KCTD15: variants seen among roughly 807,000 people sequenced by gnomAD.
KCTD15 encodes BTB/POZ domain-containing protein KCTD15.
In KCTD15, 11 loss-of-function variants were observed where a neutral mutation model predicts 27.2. That is an observed-to-expected ratio of 0.41 (90% confidence interval 0.25 to 0.67). The LOEUF is 0.67. KCTD15 is among the 30% of genes least tolerant of loss of function. The pLI, the probability that KCTD15 is intolerant of heterozygous loss-of-function variation, is 0.35. For missense variants in KCTD15, 350 were observed against 409.3 expected (o/e 0.86, Z 1.25); for synonymous variants, 163 against 176.0 (o/e 0.93, Z 0.58).
At position 33,811,384 on chromosome 19, in the gene KCTD15, C is replaced by G; in HGVS notation, c.525C>G (p.Pro175=). 1.3e-6 allele frequency: 2 copies of G among 1,599,216 alleles called. No homozygotes were observed. The highest frequency in any genetic ancestry group is 1.7e-6 in the Non-Finnish European group (2 of 1,173,584). ...ACTGCCTGGTGGTGCGCGTCACGCC[C>G]GACTTGGGCGAGCGGATCGCACTCA... ...ACDCLVVRVT[P]DLGERIALSG... is the part of the protein sequence containing the mutation. The change falls in exon 6 of 7, where the codon CCC becomes CCG. Residue 175 remains proline (P), a synonymous_variant. Transcript: ENST00000683859.
At chr19:33,812,600 A>C (rs1975960815) in intron 6 of KCTD15, 190 bp from the exon 7 acceptor site, 1 of 1,289,702 alleles carries the variant, frequency 7.8e-7, no homozygotes, top group African/African-American at 1.5e-5. Flanking sequence ...GGGCCTGGCC[A>C]CTTCTGTCCC....
intron 5 of KCTD15, among the ~76,000 whole-genome samples, chr19:33,809,377 T>C (rs1975815529): frequency 6.6e-6 from 1 of 152,178 alleles, no homozygotes; most frequent in East Asian, 1.9e-4. Context: ...AGCACGTGGC[T>C]GTGGTAGTGT....
chr19:33,806,507 A>G (rs1218155230), intron 4 of KCTD15, among the ~76,000 whole-genome samples: 2 of 152,066 alleles, frequency 1.3e-5, no homozygotes, highest in African/African-American at 4.8e-5. Flanking sequence ...GGGTGTGTGC[A>G]CCAGGCCTGT....
chr19:33,807,393 A>G (rs1278897376), intron 5 of KCTD15, among the ~76,000 whole-genome samples: 1 of 151,498 alleles, frequency 6.6e-6, no homozygotes, highest in South Asian at 2.1e-4. Flanking sequence ...TTCAAGACCA[A>G]CTTGGCCAAC....
At chr19:33,799,523 C>G (rs781669273) in intron 2 of KCTD15, 2 of 152,242 alleles carry the variant, frequency 1.3e-5, no homozygotes, top group Non-Finnish European at 2.9e-5. Flanking sequence ...AGAATTCTGC[C>G]CCTCCTGCAT....
chr19:33,795,265 T>A (rs577990645), upstream of KCTD15, among the ~76,000 whole-genome samples: 1 of 152,302 alleles, frequency 6.6e-6, no homozygotes, highest in Non-Finnish European at 1.5e-5. Context: ...AAACCTTCCC[T>A]TAGGAGGAAA....
At chr19:33,809,711 T>C (rs1975828895) in intron 5 of KCTD15, among the ~76,000 whole-genome samples, 1 of 151,980 alleles carries the variant, frequency 6.6e-6, no homozygotes, top group African/African-American at 2.4e-5. Flanking sequence ...TTATTATTGT[T>C]ATTATTATTA....
At chr19:33,809,610 A>T (rs1019888202) in intron 5 of KCTD15, among the ~76,000 whole-genome samples, 7 of 152,176 alleles carry the variant, frequency 4.6e-5, no homozygotes, top group Non-Finnish European at 1.5e-5. Flanking sequence ...GGTGGCTCAC[A>T]CCTGTAATCC....
intron 4 of KCTD15, among the ~76,000 whole-genome samples, chr19:33,804,027 C>T (rs1355752481): frequency 6.6e-6 from 1 of 150,708 alleles, no homozygotes; most frequent in Non-Finnish European, 1.5e-5. Context: ...TGCATCCTCT[C>T]TCAGAGGGTG....
Position 33,797,281 on chromosome 19 carries a change from TGTGC to T in KCTD15, c.-127+296_-127+299del, listed in dbSNP as rs1372959562. On this transcript the variant is annotated intron_variant, in intron 1 of 6. Coordinates refer to ENST00000683859, the MANE Select transcript of KCTD15 (RefSeq NM_001129994.2). ...GTGTGTGTGTGTGTGTGTGTGTGTGTGTGCGCGCGCGCGCGCGCGCGCTTGTGGA... is the reference window on the plus strand; with the variant it reads ...GTGTGTGTGTGTGTGTGTGTGTGTGTGCGCGCGCGCGCGCGCGCTTGTGGA... 4.2e-3 allele frequency: 719 copies of T among 170,604 alleles called. 4 individuals are homozygous for T. Among genetic ancestry groups the T allele is most frequent in the African/African-American group, 0.023 (431 of 18,388 alleles). The allele number at this position is 170,604 out of a possible 1,614,324, so 10.6% of individuals were successfully genotyped here.
chr19:33,812,405 T>C (rs1307819389), intron 6 of KCTD15: 20 of 1,043,174 alleles, frequency 1.9e-5, no homozygotes, highest in East Asian at 1.6e-4. Context: ...CTCTCCATTA[T>C]TGGGGCAGGA....
At chr19:33,800,755 G>T (rs950081747) in intron 3 of KCTD15, among the ~76,000 whole-genome samples, 1 of 152,136 alleles carries the variant, frequency 6.6e-6, no homozygotes. Flanking sequence ...GAGGTGTCTC[G>T]TTACTGAGAC....
At chr19:33,810,368 C>T (rs1975855768) in intron 5 of KCTD15, among the ~76,000 whole-genome samples, 3 of 152,196 alleles carry the variant, frequency 2.0e-5, no homozygotes, top group African/African-American at 4.8e-5. Flanking sequence ...CACTTTCATT[C>T]TCTGAGCTGG....
chr19:33,797,391 C>T (rs567479429), intron 1 of KCTD15: 3 of 455,430 alleles, frequency 6.6e-6, no homozygotes, highest in Non-Finnish European at 1.3e-5. Context: ...CGGGCTCACG[C>T]AACTGGGGCT....
At chr19:33,795,569 C>G (rs1040791886), upstream of KCTD15, among the ~76,000 whole-genome samples, 9 of 151,964 alleles carry the variant, frequency 5.9e-5, no homozygotes, top group Non-Finnish European at 8.8e-5. Flanking sequence ...CCCGGGCGTC[C>G]CTGGAGCCAG....
At chr19:33,796,155 G>C (rs766897052), upstream of KCTD15, 4 of 152,094 alleles carry the variant, frequency 2.6e-5, no homozygotes, top group Non-Finnish European at 5.9e-5. Context: ...TTTATGCCCA[G>C]CTGAAAGCGC....
At chr19:33,796,540 G>C (rs370024178), upstream of KCTD15, 1 of 151,086 alleles carries the variant, frequency 6.6e-6, no homozygotes, top group Non-Finnish European at 1.5e-5. Context: ...TTTGGGGCCG[G>C]ATCGCTGCCC....
rs1216538547 is a variant in KCTD15, at chr19:33,801,404, T to C, written c.242+62T>C. On this transcript the variant is annotated intron_variant, in intron 4 of 6. Transcript: ENST00000683859. ...GGTCAGGGCAGCATCTGTAATCTGCTGCCTAGGGGGTGGGGTCTCTCCCCA... is the reference window on the plus strand; with the variant it reads ...GGTCAGGGCAGCATCTGTAATCTGCCGCCTAGGGGGTGGGGTCTCTCCCCA... The C allele has an allele frequency of 2.8e-6, 4 of 1,438,200 alleles. No individual in the cohort carries two copies. In the African/African-American group the frequency reaches 5.7e-5, roughly 20 times the overall value. The allele number at this position is 1,438,200 out of a possible 1,614,324, so 89.1% of individuals were successfully genotyped here. A position where few individuals can be genotyped will look rare whatever the true frequency, so the allele number is the denominator to read the frequency against.
chr19:33,800,589 T>A, intron 3 of KCTD15, 69 bp downstream of exon 3: 3 of 1,375,668 alleles, frequency 2.2e-6, no homozygotes, highest in Non-Finnish European at 3.0e-6. Context: ...AGTGCCTGTT[T>A]ACTGGCTGTC....
Sources: gnomAD v4.1 joint callset for allele counts (sites outside exome capture counted in the v4.1 genomes callset) on GRCh38, gnomAD v4.1.1 for gene constraint, MANE v1.5 for transcripts, NCBI Gene and HGNC (gene_info 2026-07-23, HGNC 2026-07-21) for gene names.